TNFRSF21: variants seen among roughly 807,000 people sequenced by gnomAD.
TNFRSF21 encodes the protein tumor necrosis factor receptor superfamily member 21.
TNFRSF21 carries 19 observed loss-of-function variants against 45.6 expected under a neutral mutation model. That is an observed-to-expected ratio of 0.42 (90% confidence interval 0.29 to 0.61). The LOEUF (loss-of-function observed/expected upper bound fraction) is 0.61. Ranked by LOEUF, TNFRSF21 falls within the 20% of genes least tolerant of loss-of-function variation. The pLI, the probability that TNFRSF21 is intolerant of heterozygous loss-of-function variation, is 0.23. For synonymous variants in TNFRSF21, 314 were observed against 335.5 expected, an observed-to-expected ratio of 0.94 and a Z score of 0.70; for missense variants, 737 against 851.5, an observed-to-expected ratio of 0.87 and a Z score of 1.67.
chr6:47,249,260 G>A (rs533210122), intron 4 of TNFRSF21, among the ~76,000 whole-genome samples: 7 of 152,268 alleles, frequency 4.6e-5, no homozygotes, highest in African/African-American at 1.7e-4. Context: ...CAAAGTGCCT[G>A]TTATAATACT....
intron 4 of TNFRSF21, among the ~76,000 whole-genome samples, chr6:47,237,378 G>T (rs552268365): frequency 1.3e-5 from 2 of 152,120 alleles, no homozygotes; most frequent in Non-Finnish European, 2.9e-5. Context: ...TACTGCTACC[G>T]TACTAGGCAT....
chr6:47,305,938 A>T (rs1762934741), intron 1 of TNFRSF21, among the ~76,000 whole-genome samples: 1 of 152,258 alleles, frequency 6.6e-6, no homozygotes, highest in African/African-American at 2.4e-5. Flanking sequence ...ATTCCTTATC[A>T]CTGGCACAAA....
intron 3 of TNFRSF21, 117 bp downstream of exon 3, chr6:47,283,821 T>C: frequency 1.5e-6 from 2 of 1,295,108 alleles, no homozygotes; most frequent in Non-Finnish European, 2.1e-6. Flanking sequence ...GATCAAGTAG[T>C]GTTTGGTCTA....
chr6:47,267,541 T>C (rs886800602), intron 3 of TNFRSF21, among the ~76,000 whole-genome samples: 3 of 152,164 alleles, frequency 2.0e-5, no homozygotes, highest in African/African-American at 7.2e-5. Flanking sequence ...CCTAGACGGA[T>C]TTCTACTTGA....
chr6:47,283,959 T>A lies in TNFRSF21; in HGVS notation c.1222A>T (p.Ile408Phe). The A allele has an allele frequency of 6.2e-7, 1 of 1,613,890 alleles. No individual in the cohort carries two copies. The highest frequency in any genetic ancestry group is 8.5e-7 in the Non-Finnish European group (1 of 1,179,968). ...TCACCATGGCCATTGCAGTAGTAGA[T>A]CCATTTCTCCCGGTTCTGGGTTGGA... ...MTPTQNREKWIYYCNGHGIDI... is the reference protein window; with the variant it reads ...MTPTQNREKWFYYCNGHGIDI... Residue 408 changes from isoleucine (I) to phenylalanine (F), a missense_variant, in exon 3 of 6, where the codon ATC (isoleucine) becomes TTC (phenylalanine). Transcript: ENST00000296861.
intron 1 of TNFRSF21, among the ~76,000 whole-genome samples, chr6:47,302,965 G>T (rs1285953750): frequency 1.3e-5 from 2 of 152,200 alleles, no homozygotes; most frequent in Admixed American, 1.3e-4. Context: ...TTTGCAGAAG[G>T]TATTCAACAC....
At chr6:47,243,654 G>A (rs1475117381) in intron 4 of TNFRSF21, among the ~76,000 whole-genome samples, 1 of 152,126 alleles carries the variant, frequency 6.6e-6, no homozygotes. Context: ...CTAACTTCAA[G>A]TGATCTGCCC....
Position 47,232,727 on chromosome 6 carries a change from T to A in TNFRSF21, c.*38A>T. The A allele has an allele frequency of 6.3e-7, 1 of 1,590,850 alleles. No individual in the cohort carries two copies. Among genetic ancestry groups the A allele is most frequent in the Non-Finnish European group, 8.6e-7 (1 of 1,164,020 alleles). On this transcript the variant is annotated 3_prime_UTR_variant, in exon 6 of 6. Coordinates refer to ENST00000296861, the MANE Select transcript of TNFRSF21 (RefSeq NM_014452.5). ...GAAAATTAAAAAACCACCCTGCCAC[T>A]AAATTGAGTAATTTCCAGAATGCAG...
At chr6:47,281,526 G>T (rs1019355520) in intron 3 of TNFRSF21, among the ~76,000 whole-genome samples, 1 of 152,062 alleles carries the variant, frequency 6.6e-6, no homozygotes, top group Non-Finnish European at 1.5e-5. Context: ...GACTATAGGC[G>T]TGTGCCACCA....
chr6:47,243,887 T>G (rs1764785109), intron 4 of TNFRSF21, among the ~76,000 whole-genome samples: 1 of 151,418 alleles, frequency 6.6e-6, no homozygotes, highest in African/African-American at 2.4e-5. Context: ...TCCTCACTCT[T>G]TTGCTATTAC....
At chr6:47,268,785 T>C (rs1354570368) in intron 3 of TNFRSF21, among the ~76,000 whole-genome samples, 1 of 152,170 alleles carries the variant, frequency 6.6e-6, no homozygotes, top group Non-Finnish European at 1.5e-5. Context: ...CTCTGAGACA[T>C]GCCTTCCATC....
rs7774079 is a variant in TNFRSF21, at chr6:47,266,948, T to C, written c.1244-13427A>G. The stretch of plus-strand genomic sequence containing the variant: ...ACTTGTACACAGAATATTCCCTTCT[T>C]TCACCTCCCAAGGCTTCACCCTATC... On this transcript the variant is annotated intron_variant, in intron 3 of 5. Coordinates refer to ENST00000296861, the MANE Select transcript of TNFRSF21 (RefSeq NM_014452.5). Among the ~76,000 whole-genome samples, 1,343 of 152,144 alleles carry C rather than the reference T, an allele frequency of 8.8e-3. 23 individuals carry two copies. The highest frequency in any genetic ancestry group is 0.031 in the African/African-American group (1,269 of 41,496).
chr6:47,288,325 G>A (rs1762676434), intron 1 of TNFRSF21, among the ~76,000 whole-genome samples: 1 of 152,188 alleles, frequency 6.6e-6, no homozygotes, highest in South Asian at 2.1e-4. Flanking sequence ...CCAACTGCTT[G>A]TTTGAAAACA....
chr6:47,258,088 A>G (rs893256097), intron 3 of TNFRSF21, among the ~76,000 whole-genome samples: 3 of 152,220 alleles, frequency 2.0e-5, no homozygotes, highest in Non-Finnish European at 4.4e-5. Context: ...GTGCAAAAGT[A>G]ATCATGGGCT....
chr6:47,241,862 C>T (rs1360044231), intron 4 of TNFRSF21, among the ~76,000 whole-genome samples: 1 of 152,154 alleles, frequency 6.6e-6, no homozygotes, highest in East Asian at 1.9e-4. Context: ...CTTTCTTCTT[C>T]TCCTGCACAG....
At chr6:47,277,632 C>T (rs556070661) in intron 3 of TNFRSF21, among the ~76,000 whole-genome samples, 142 of 152,272 alleles carry the variant, frequency 9.3e-4, no homozygotes, top group Non-Finnish European at 1.8e-3. Flanking sequence ...CCCTGGCTCA[C>T]GCAGCTGGTA....
intron 4 of TNFRSF21, among the ~76,000 whole-genome samples, chr6:47,241,591 T>G (rs1285593605): frequency 6.6e-6 from 1 of 152,126 alleles, no homozygotes; most frequent in Admixed American, 6.5e-5. Flanking sequence ...GTCTTCGAAA[T>G]GGGAATATGG....
intron 1 of TNFRSF21, among the ~76,000 whole-genome samples, chr6:47,298,530 G>T (rs139459034): frequency 7.2e-5 from 11 of 152,250 alleles, no homozygotes; most frequent in Admixed American, 5.2e-4. Context: ...CACAAGCTAA[G>T]AATGGTTTTT....
At chr6:47,272,119 G>A (rs1338993549) in intron 3 of TNFRSF21, among the ~76,000 whole-genome samples, 1 of 151,828 alleles carries the variant, frequency 6.6e-6, no homozygotes, top group Non-Finnish European at 1.5e-5. Flanking sequence ...AAACAGAAGG[G>A]TAACAAGGAT....
Sources: gnomAD v4.1 joint callset for allele counts (sites outside exome capture counted in the v4.1 genomes callset) on GRCh38, gnomAD v4.1.1 for gene constraint, MANE v1.5 for transcripts, NCBI Gene and HGNC (gene_info 2026-07-23, HGNC 2026-07-21) for gene names.